The following PROX1 variants were observed in gnomAD, a reference collection of about 807,000 sequenced individuals.
PROX1 encodes prospero homeobox 1.
Under a neutral mutation model 58.8 loss-of-function variants are expected in PROX1, and 7 were observed. The ratio of observed to expected loss-of-function variants is 0.12; its 90% CI spans 0.07 to 0.22. PROX1 has a LOEUF of 0.22. Ranked by LOEUF, PROX1 falls within the 10% of genes least tolerant of loss-of-function variation. The probability of loss-of-function intolerance (pLI) is 1.00; values close to 1 mark genes in which losing one functional copy is unlikely to be tolerated. For missense variants in PROX1, 675 were observed against 927.8 expected (o/e 0.73, Z 3.54); for synonymous variants, 350 against 358.3 (o/e 0.98, Z 0.26).
rs895545592 is a variant in PROX1, at chr1:214,038,384, A to C, written c.*2550A>C. 2.0e-5 allele frequency: 3 copies of C among 151,654 alleles called. No individual in the cohort carries two copies. The highest frequency in any genetic ancestry group is 7.3e-5 in the African/African-American group (3 of 41,308). 9.4% of individuals were successfully genotyped at this position (151,654 alleles called of 1,614,324 possible). A position where few individuals can be genotyped will look rare whatever the true frequency, so the allele number is the denominator to read the frequency against. Reference sequence around the variant, plus strand: ...CTGTCTCTCCAAATTCCTATTTAACAGTTTGATTTTTTTTTTTTAATCACC... The same window carrying C: ...CTGTCTCTCCAAATTCCTATTTAACCGTTTGATTTTTTTTTTTTAATCACC... On this transcript the variant is annotated 3_prime_UTR_variant, in exon 5 of 5. Coordinates refer to ENST00000366958, the MANE Select transcript of PROX1 (RefSeq NM_001270616.2).
At chr1:214,034,414 G>A (rs954136099) in intron 4 of PROX1, among the ~76,000 whole-genome samples, 7 of 152,102 alleles carry the variant, frequency 4.6e-5, no homozygotes, top group Admixed American at 1.3e-4. Context: ...CCTATGATAC[G>A]TTTATGTCCT....
chr1:214,011,773 T>A, intron 4 of PROX1, 58 bp downstream of exon 4: 1 of 1,425,802 alleles, frequency 7.0e-7, no homozygotes, highest in Middle Eastern at 1.9e-4. Context: ...AAAAATTTAT[T>A]TTCTTTAGAA....
At chr1:214,015,510 A>T (rs1664061441) in intron 4 of PROX1, among the ~76,000 whole-genome samples, 1 of 151,972 alleles carries the variant, frequency 6.6e-6, no homozygotes, top group Non-Finnish European at 1.5e-5. Flanking sequence ...GGGGCGTATG[A>T]GTTGGATTTT....
chr1:213,998,086 A>C lies in PROX1; in HGVS notation c.1551A>C (p.Leu517Phe). The change falls in exon 2 of 5, where the codon TTA becomes TTC. Residue 517 changes from leucine to phenylalanine, a missense_variant. Transcript: ENST00000366958. Reference sequence around the variant, plus strand: ...GAGCCTCTCCTGAATCCTTAGACTTAACTAGGGATACCACGAGTCTGAGGA... The same window carrying C: ...GAGCCTCTCCTGAATCCTTAGACTTCACTAGGGATACCACGAGTCTGAGGA... Reference protein sequence around the residue: ...KDRASPESLDLTRDTTSLRTK... With the variant: ...KDRASPESLDFTRDTTSLRTK... The C allele has an allele frequency of 6.2e-7, 1 of 1,614,006 alleles. No homozygotes were observed. Among genetic ancestry groups the C allele is most frequent in the Non-Finnish European group, 8.5e-7 (1 of 1,179,950 alleles).
chr1:214,025,312 T>A (rs1017210307), intron 4 of PROX1, among the ~76,000 whole-genome samples: 2 of 152,170 alleles, frequency 1.3e-5, no homozygotes, highest in Non-Finnish European at 2.9e-5. Context: ...TAGAGCAGAA[T>A]GAAAGACCCA....
chr1:213,993,071 T>A (rs900565507), intron 1 of PROX1, among the ~76,000 whole-genome samples: 3 of 152,194 alleles, frequency 2.0e-5, no homozygotes, highest in Admixed American at 6.5e-5. Flanking sequence ...ATCTGCTATG[T>A]TAAGATATGC....
At chr1:214,007,694 C>T (rs1663764586) in intron 3 of PROX1, among the ~76,000 whole-genome samples, 2 of 152,198 alleles carry the variant, frequency 1.3e-5, no homozygotes, top group African/African-American at 4.8e-5. Context: ...GTTCACAATA[C>T]ACATATACAT....
intron 2 of PROX1, among the ~76,000 whole-genome samples, chr1:214,004,599 G>T (rs1352128032): frequency 6.6e-6 from 1 of 152,074 alleles, no homozygotes; most frequent in African/African-American, 2.4e-5. Context: ...ACAATTAAAA[G>T]GATATAATAA....
chr1:214,019,824 C>G (rs1664221092), intron 4 of PROX1, among the ~76,000 whole-genome samples: 1 of 152,238 alleles, frequency 6.6e-6, no homozygotes, highest in Non-Finnish European at 1.5e-5. Context: ...TGCCAGACGC[C>G]TGTGCCCAAA....
At chr1:214,007,188 C>A (rs2102720924) in intron 3 of PROX1, among the ~76,000 whole-genome samples, 1 of 152,342 alleles carries the variant, frequency 6.6e-6, no homozygotes, top group Admixed American at 6.5e-5. Context: ...AGCAATTCAG[C>A]TTTGCAAATA....
intron 4 of PROX1, among the ~76,000 whole-genome samples, chr1:214,019,288 G>A (rs955667767): frequency 6.6e-6 from 1 of 151,882 alleles, no homozygotes; most frequent in Admixed American, 6.6e-5. Flanking sequence ...TCTTTGCAGT[G>A]TGCAACATTG....
intron 4 of PROX1, among the ~76,000 whole-genome samples, chr1:214,020,080 G>C (rs928848444): frequency 6.6e-6 from 1 of 152,056 alleles, no homozygotes; most frequent in Non-Finnish European, 1.5e-5. Context: ...CCACCATGAA[G>C]ACTAACGTTT....
rs199970427 is a variant in PROX1, at chr1:213,997,543, T to C, written c.1008T>C (p.His336=). Residue 336 remains histidine (H), a synonymous_variant, in exon 2 of 5, where the codon CAT becomes CAC. Transcript: ENST00000366958. This position sits in a 1 kb window ranked among gnomAD's most constrained non-coding sequence, Gnocchi z 7.1. ...KREGNNKERD[H]GPNSLQPEGK... ...AAGGCAACAACAAAGAAAGAGACCATGGGCCAAACTCCTTACAACCGGAAG... is the reference window on the plus strand; with the variant it reads ...AAGGCAACAACAAAGAAAGAGACCACGGGCCAAACTCCTTACAACCGGAAG... 3 of 1,613,948 alleles carry C rather than the reference T, an allele frequency of 1.9e-6. No individual in the cohort carries two copies. In the African/African-American group the frequency reaches 4.0e-5, roughly 22 times the overall value.
At chr1:214,017,451 T>A (rs567210130) in intron 4 of PROX1, among the ~76,000 whole-genome samples, 1 of 152,298 alleles carries the variant, frequency 6.6e-6, no homozygotes, top group East Asian at 1.9e-4. Flanking sequence ...AAGTCTCAAC[T>A]CTTTGTGTTT....
At chr1:214,005,962 G>C (rs1050223849) in intron 3 of PROX1, among the ~76,000 whole-genome samples, 1 of 151,496 alleles carries the variant, frequency 6.6e-6, no homozygotes, top group Non-Finnish European at 1.5e-5. Context: ...GTGTGTGTGT[G>C]TATGTGTCTG....
intron 2 of PROX1, among the ~76,000 whole-genome samples, chr1:214,001,751 G>A (rs958904062): frequency 6.6e-6 from 1 of 152,092 alleles, no homozygotes; most frequent in African/African-American, 2.4e-5. Flanking sequence ...TAGAAGTCTT[G>A]TGGAGGCTAT....
At chr1:214,006,480 A>G (rs1663717696) in intron 3 of PROX1, among the ~76,000 whole-genome samples, 1 of 152,212 alleles carries the variant, frequency 6.6e-6, no homozygotes, top group Non-Finnish European at 1.5e-5. Context: ...GTTCAGCACC[A>G]GCAAACTGGG....
At position 214,005,192 on chromosome 1, in the gene PROX1, T is replaced by C. The variant is rs181080355; in HGVS notation, c.1753T>C (p.Leu585=). The part of the protein sequence containing the change: ...AMQEGLSPNH[L]KKAKLMFFYT... ...GCAGGAAGGATTGTCACCCAATCAC[T>C]TGAAAAAAGCAAAGCTCATGTTTTT... Residue 585 remains leucine (L), a synonymous_variant, in exon 3 of 5, where the codon TTG becomes CTG. Transcript: ENST00000366958. 2 of 1,614,024 alleles carry C rather than the reference T, an allele frequency of 1.2e-6. No homozygotes were observed. Among genetic ancestry groups the C allele is most frequent in the East Asian group, 2.2e-5 (1 of 44,882 alleles).
rs944686299 is a variant in PROX1, at chr1:213,990,385, T to C, written c.-68+1902T>C. ...TGGTTAATAGGATTGTCTGGGCTAA[T>C]GGGAATTGGGCTGTTGTTCTTTTGA... On this transcript the variant is annotated intron_variant, in intron 1 of 4. Coordinates refer to ENST00000366958, the MANE Select transcript of PROX1 (RefSeq NM_001270616.2). Among the ~76,000 whole-genome samples, 3 of 132,286 alleles carry C rather than the reference T, an allele frequency of 2.3e-5. No homozygotes were observed. In the Admixed American group the frequency reaches 2.6e-4, roughly 12 times the overall value. 86.8% of individuals were successfully genotyped at this position (132,286 alleles called of 152,430 possible). A position where few individuals can be genotyped will look rare whatever the true frequency, so the allele number is the denominator to read the frequency against.
Sources: gnomAD v4.1 joint callset for allele counts (sites outside exome capture counted in the v4.1 genomes callset) on GRCh38, gnomAD v4.1.1 for gene constraint, Gnocchi (gnomAD v3.1) non-coding constraint, MANE v1.5 for transcripts, NCBI Gene and HGNC (gene_info 2026-07-23, HGNC 2026-07-21) for gene names.